The following ASIC1 variants were observed in gnomAD, a reference collection of about 807,000 sequenced individuals.
ASIC1 encodes acid sensing ion channel subunit 1, also known as acid-sensing ion channel 1.
A neutral mutation model predicts 63.4 loss-of-function variants in ASIC1; 21 were observed. That is an observed-to-expected ratio of 0.33 (90% confidence interval 0.23 to 0.48). The LOEUF (loss-of-function observed/expected upper bound fraction) is 0.48. Among genes scored for constraint, ASIC1 ranks in the 20% least tolerant of loss-of-function variants. ASIC1 has a pLI of 0.99. For synonymous variants in ASIC1, 258 were observed against 278.2 expected, an observed-to-expected ratio of 0.93 and a Z score of 0.72; for missense variants, 478 against 695.5, an observed-to-expected ratio of 0.69 and a Z score of 3.52.
At chr12:50,063,965 C>T in intron 3 of ASIC1, among the ~76,000 whole-genome samples, 1 of 152,136 alleles carries the variant, frequency 6.6e-6, no homozygotes, top group East Asian at 1.9e-4. Context: ...CACCCTCCAG[C>T]TAGGCAGGGA....
In ASIC1 at chr12:50,081,617, G is replaced by A. The variant is rs768116979; in HGVS notation, c.1555G>A (p.Ala519Thr). 6 of 1,613,948 alleles carry A rather than the reference G, an allele frequency of 3.7e-6. No homozygotes were observed. The Admixed American group carries it at 8.3e-5, about 22-fold the overall frequency. Residue 519 changes from alanine (A) to threonine (T), a missense_variant, in exon 12 of 12, where the codon GCC (alanine) becomes ACC (threonine). Ala to Thr is a moderately conservative substitution (Grantham distance 58, BLOSUM62 0). Coordinates refer to ENST00000447966, the MANE Select transcript of ASIC1 (RefSeq NM_001095.4). ...YAANILPHHP[A>T]RGTFEDFTC is the part of the protein sequence containing the mutation. ...TGCCAACATCCTACCTCACCATCCG[G>A]CCCGAGGCACGTTCGAGGACTTTAC...
intron 1 of ASIC1, among the ~76,000 whole-genome samples, 190 bp downstream of exon 1, chr12:50,058,106 C>T (rs1276755464): frequency 2.6e-5 from 4 of 151,976 alleles, no homozygotes; most frequent in Admixed American, 6.6e-5. Flanking sequence ...GCGGGGACAG[C>T]TCGCTGTCAT....
intron 3 of ASIC1, among the ~76,000 whole-genome samples, chr12:50,064,604 C>A (rs1027915834): frequency 6.6e-6 from 1 of 152,046 alleles, no homozygotes; most frequent in Non-Finnish European, 1.5e-5. Flanking sequence ...GGGAGGAGCA[C>A]CTCTAAGTCT....
At chr12:50,072,265 A>G (rs1950606924) in intron 3 of ASIC1, among the ~76,000 whole-genome samples, 1 of 152,212 alleles carries the variant, frequency 6.6e-6, no homozygotes, top group African/African-American at 2.4e-5. Context: ...GCCCCGGTCT[A>G]GCCCCACTGC....
At chr12:50,058,586 A>T (rs1331779253) in intron 1 of ASIC1, among the ~76,000 whole-genome samples, 165 bp from the exon 2 acceptor site, 1 of 152,126 alleles carries the variant, frequency 6.6e-6, no homozygotes, top group African/African-American at 2.4e-5. Flanking sequence ...GGAACCCTGG[A>T]TGTGTCCCTT....
rs1326816726 is a variant in ASIC1 at position 50,059,267 on chromosome 12, C to G, written c.362+139C>G. 2 of 1,277,288 alleles carry G rather than the reference C, an allele frequency of 1.6e-6. No individual in the cohort carries two copies. The highest frequency in any genetic ancestry group is 2.5e-5 in the East Asian group (1 of 39,874). The allele number at this position is 1,277,288 out of a possible 1,614,324, so 79.1% of individuals were successfully genotyped here. ...CCCCCACCCCCAAACCTGCCACTCACAGCAGAGGAGTTAGGGTGCTGCTGA... is the reference window on the plus strand; with the variant it reads ...CCCCCACCCCCAAACCTGCCACTCAGAGCAGAGGAGTTAGGGTGCTGCTGA... On this transcript the variant is annotated intron_variant, in intron 2 of 11. Coordinates refer to ENST00000447966, the MANE Select transcript of ASIC1 (RefSeq NM_001095.4). The surrounding 1 kb of genome is among the most constrained non-coding windows in gnomAD (Gnocchi z 4.6).
chr12:50,064,900 T>C (rs1950531980), intron 3 of ASIC1, among the ~76,000 whole-genome samples: 1 of 152,178 alleles, frequency 6.6e-6, no homozygotes, highest in African/African-American at 2.4e-5. Context: ...TGCCAGGTCC[T>C]GCGCTGGGGC....
At chr12:50,079,502 ATCT>A (rs1950692929) in intron 7 of ASIC1, among the ~76,000 whole-genome samples, 1 of 152,198 alleles carries the variant, frequency 6.6e-6, no homozygotes, top group South Asian at 2.1e-4. Context: ...AATGGCCTTC[ATCT>A]TCTTTCATCA....
intron 3 of ASIC1, 102 bp downstream of exon 3, chr12:50,060,056 A>G: frequency 7.2e-7 from 1 of 1,380,348 alleles, no homozygotes; most frequent in Non-Finnish European, 9.9e-7. Context: ...ACTCTGGGAG[A>G]GGAAGTTGTA....
intron 3 of ASIC1, among the ~76,000 whole-genome samples, chr12:50,065,333 C>T (rs1419562310): frequency 6.6e-6 from 1 of 152,138 alleles, no homozygotes; most frequent in Non-Finnish European, 1.5e-5. Flanking sequence ...GGGTGCCTAG[C>T]TGGGTGGAGG....
Position 50,081,580 on chromosome 12 carries a change from G to C in ASIC1, c.1518G>C (p.Gly506=), listed in dbSNP as rs1020731818. 1.8e-5 allele frequency: 29 copies of C among 1,614,052 alleles called. No individual in the cohort carries two copies. Among genetic ancestry groups the C allele is most frequent in the Admixed American group, 5.0e-5 (3 of 60,004 alleles). The part of the protein sequence containing the change: ...PCESLRGHPA[G]MTYAANILPH... ...AGAGCCTTCGGGGCCACCCTGCCGG[G>C]ATGACATACGCTGCCAACATCCTAC... Residue 506 remains glycine, a synonymous_variant, in exon 12 of 12, where the codon GGG becomes GGC. Coordinates refer to ENST00000447966, the MANE Select transcript of ASIC1 (RefSeq NM_001095.4).
chr12:50,077,100 G>A (rs768430562), intron 3 of ASIC1, 113 bp from the exon 4 acceptor site: 2 of 1,530,904 alleles, frequency 1.3e-6, no homozygotes, highest in Non-Finnish European at 1.8e-6. Context: ...CTGCACGGGA[G>A]GAACCATTCC....
intron 3 of ASIC1, among the ~76,000 whole-genome samples, chr12:50,070,365 TGTGTTGGGGTGTGTGC>T (rs1178452393): frequency 6.6e-6 from 1 of 151,558 alleles, no homozygotes; most frequent in Non-Finnish European, 1.5e-5. Flanking sequence ...GGTGTGTGTG[TGTGTTGGGGTGTGTGC>T]GTGTTGGGGT....
At chr12:50,077,941 T>C (rs1241831869) in intron 4 of ASIC1, 59 bp from the exon 5 acceptor site, 1 of 1,558,596 alleles carries the variant, frequency 6.4e-7, no homozygotes, top group African/African-American at 1.4e-5. Flanking sequence ...TGCCCCCAGG[T>C]CTGAGGGGTG....
intron 3 of ASIC1, among the ~76,000 whole-genome samples, chr12:50,071,557 C>T (rs949784905): frequency 2.6e-5 from 4 of 152,074 alleles, no homozygotes; most frequent in African/African-American, 9.7e-5. Flanking sequence ...GCTGGGATTA[C>T]AGGCGTGAGC....
At chr12:50,063,641 G>T (rs1422362507) in intron 3 of ASIC1, among the ~76,000 whole-genome samples, 1 of 152,098 alleles carries the variant, frequency 6.6e-6, no homozygotes, top group African/African-American at 2.4e-5. Flanking sequence ...GAGTGAATGG[G>T]GATGAGCACA....
Position 50,078,903 on chromosome 12 carries a change from A to G in ASIC1, c.995-21A>G, listed in dbSNP as rs1950686379. On this transcript the variant is annotated intron_variant, in intron 6 of 11. Transcript: ENST00000447966. This position sits in a 1 kb window ranked among gnomAD's most constrained non-coding sequence, Gnocchi z 6.0. ...ACCCCTTGAATTCCCATCCTGCATC[A>G]TTGTCTTTTCTCCTCTGTAGGGGAT... 3.1e-6 allele frequency: 5 copies of G among 1,611,762 alleles called. No individual in the cohort carries two copies. Among genetic ancestry groups the G allele is most frequent in the South Asian group, 1.1e-5 (1 of 91,018 alleles).
chr12:50,059,808 C>T lies in ASIC1; in HGVS notation c.412C>T (p.Leu138=). ...QMADEKQLEI[L]QDKANFRSFK... is the part of the protein sequence containing the mutation. The stretch of plus-strand genomic sequence containing the variant: ...GGCAGATGAAAAGCAGCTGGAGATA[C>T]TGCAGGACAAAGCCAACTTCCGCAG... Residue 138 remains leucine (L), a synonymous_variant, in exon 3 of 12, where the codon CTG becomes TTG. Coordinates refer to ENST00000447966, the MANE Select transcript of ASIC1 (RefSeq NM_001095.4). This position sits in a 1 kb window ranked among gnomAD's most constrained non-coding sequence, Gnocchi z 4.6. 4 of 1,614,114 alleles carry T rather than the reference C, an allele frequency of 2.5e-6. No homozygotes were observed. Among genetic ancestry groups the T allele is most frequent in the Non-Finnish European group, 3.4e-6 (4 of 1,180,008 alleles).
chr12:50,060,841 A>G (rs1420354942), intron 3 of ASIC1, among the ~76,000 whole-genome samples: 1 of 152,244 alleles, frequency 6.6e-6, no homozygotes, highest in Non-Finnish European at 1.5e-5. Flanking sequence ...TGCAGGAACA[A>G]TAACACCAAA....
Sources: gnomAD v4.1 joint callset for allele counts (sites outside exome capture counted in the v4.1 genomes callset) on GRCh38, gnomAD v4.1.1 for gene constraint, Gnocchi (gnomAD v3.1) non-coding constraint, MANE v1.5 for transcripts, NCBI Gene and HGNC (gene_info 2026-07-23, HGNC 2026-07-21) for gene names.